RUNX2: variants seen among roughly 807,000 people sequenced by gnomAD.
The protein encoded by RUNX2 is runt-related transcription factor 2.
RUNX2 carries 10 observed loss-of-function variants against 51.7 expected under a neutral mutation model. The observed-to-expected ratio is 0.19, with a 90% CI of 0.12 to 0.33. RUNX2 has a LOEUF of 0.33. Ranked by LOEUF, RUNX2 falls within the 10% of genes least tolerant of loss-of-function variation. The pLI, the probability that RUNX2 is intolerant of heterozygous loss-of-function variation, is 1.00. For synonymous variants in RUNX2, 276 were observed against 273.6 expected, an observed-to-expected ratio of 1.01 and a Z score of -0.09; for missense variants, 562 against 691.3, an observed-to-expected ratio of 0.81 and a Z score of 2.10.
intron 2 of RUNX2, among the ~76,000 whole-genome samples, chr6:45,384,885 A>G (rs1412943559): frequency 6.6e-6 from 1 of 151,680 alleles, no homozygotes; most frequent in Non-Finnish European, 1.5e-5. Flanking sequence ...AAAAAATTTT[A>G]TGGAGATGGG....
At position 45,419,922 on chromosome 6, in the gene RUNX2, G is replaced by A. The variant is rs111741932; in HGVS notation, c.59-2671G>A. 6.9e-3 allele frequency among the ~76,000 whole-genome samples: 1,055 copies of A among 152,256 alleles called. 18 individuals are homozygous for A. The highest frequency in any genetic ancestry group is 0.024 in the African/African-American group (1,010 of 41,548). On this transcript the variant is annotated intron_variant, in intron 2 of 8. Coordinates refer to ENST00000647337, the MANE Select transcript of RUNX2 (RefSeq NM_001024630.4). ...AGTGGCAGGCGGCGGCTGTGGGGCG[G>A]GAGGGGCGCGGCTTGGGGCTAGTGT...
chr6:45,485,880 A>T (rs1800269368), intron 5 of RUNX2, among the ~76,000 whole-genome samples: 1 of 151,658 alleles, frequency 6.6e-6, no homozygotes, highest in Non-Finnish European at 1.5e-5. Context: ...CTTTCCCCTT[A>T]GTCAAAATCA....
chr6:45,431,743 T>C, intron 3 of RUNX2, 120 bp from the exon 4 acceptor site: 1 of 1,142,428 alleles, frequency 8.8e-7, no homozygotes, highest in East Asian at 2.3e-5. Flanking sequence ...TGTCGGCCAT[T>C]ACTGGACTGG....
At chr6:45,545,692 C>A (rs1802379090) in intron 8 of RUNX2, among the ~76,000 whole-genome samples, 1 of 152,142 alleles carries the variant, frequency 6.6e-6, no homozygotes, top group Admixed American at 6.6e-5. Context: ...TAGAAGGGAA[C>A]AATATCTTAA....
At chr6:45,497,525 A>G (rs977499656) in intron 6 of RUNX2, among the ~76,000 whole-genome samples, 2 of 152,078 alleles carry the variant, frequency 1.3e-5, no homozygotes, top group Non-Finnish European at 2.9e-5. Flanking sequence ...CTCTGCCTAG[A>G]CACTCTTCCT....
At chr6:45,500,234 G>A (rs1016325669) in intron 6 of RUNX2, among the ~76,000 whole-genome samples, 3 of 152,058 alleles carry the variant, frequency 2.0e-5, no homozygotes, top group Non-Finnish European at 4.4e-5. Context: ...GAGAGTTGGT[G>A]TACATTGACT....
At chr6:45,357,799 A>G (rs1793509396) in intron 2 of RUNX2, among the ~76,000 whole-genome samples, 1 of 152,202 alleles carries the variant, frequency 6.6e-6, no homozygotes, top group South Asian at 2.1e-4. Context: ...TAAAACTCAC[A>G]ATGACATTAC....
intron 2 of RUNX2, among the ~76,000 whole-genome samples, chr6:45,353,393 A>G (rs943005001): frequency 1.3e-5 from 2 of 152,090 alleles, no homozygotes; most frequent in African/African-American, 4.8e-5. Flanking sequence ...ACTAACTATT[A>G]AAACATATTA....
At chr6:45,543,584 C>T (rs192176645) in intron 7 of RUNX2, among the ~76,000 whole-genome samples, 1 of 152,136 alleles carries the variant, frequency 6.6e-6, no homozygotes, top group African/African-American at 2.4e-5. Context: ...GCTTTTAGAA[C>T]TCTAGGCCTT....
chr6:45,435,175 C>G (rs752440110), intron 4 of RUNX2, among the ~76,000 whole-genome samples: 1 of 152,062 alleles, frequency 6.6e-6, no homozygotes, highest in Non-Finnish European at 1.5e-5. Flanking sequence ...TCATTCTACT[C>G]TGAAAATTTA....
At chr6:45,350,914 G>A (rs540001110) in intron 2 of RUNX2, among the ~76,000 whole-genome samples, 7 of 152,220 alleles carry the variant, frequency 4.6e-5, no homozygotes, top group Middle Eastern at 3.4e-3. Context: ...CAGCAAGAGC[G>A]AACACTACCA....
At chr6:45,429,492 T>C (rs1248266359) in intron 3 of RUNX2, among the ~76,000 whole-genome samples, 2 of 152,200 alleles carry the variant, frequency 1.3e-5, no homozygotes, top group African/African-American at 4.8e-5. Context: ...CTGTATTCAG[T>C]AGCCGCTTGA....
chr6:45,546,903 C>A lies in RUNX2; in HGVS notation c.1164C>A (p.Ser388=), dbSNP rs778896510. 8 of 1,614,036 alleles carry A rather than the reference C, an allele frequency of 5.0e-6. No homozygotes were observed. Among genetic ancestry groups the A allele is most frequent in the Non-Finnish European group, 6.8e-6 (8 of 1,180,004 alleles). The change falls in exon 9 of 9, where the codon TCC becomes TCA. Residue 388 remains serine (S), a synonymous_variant. Coordinates refer to ENST00000647337, the MANE Select transcript of RUNX2 (RefSeq NM_001024630.4). ...SISSLTESRF[S]NPRMHYPATF... ...CATCCCTCACTGAGAGCCGCTTCTCCAACCCACGAATGCACTATCCAGCCA... is the reference window on the plus strand; with the variant it reads ...CATCCCTCACTGAGAGCCGCTTCTCAAACCCACGAATGCACTATCCAGCCA...
chr6:45,331,173 G>C (rs2150080745), intron 2 of RUNX2, among the ~76,000 whole-genome samples: 1 of 151,846 alleles, frequency 6.6e-6, no homozygotes, highest in South Asian at 2.1e-4. Context: ...CTGTGTCCTT[G>C]ATCTCTCAGC....
At position 45,328,549 on chromosome 6, in the gene RUNX2, C is replaced by T. The variant is rs912440504; in HGVS notation, c.-67+89C>T. ...CTTTTTGTTTTGTTTCTTTGCTTTT[C>T]ACATGTTACCAGCTACATAATTTCT... is the stretch of plus-strand genomic sequence containing the variant. On this transcript the variant is annotated intron_variant, in intron 1 of 8. Transcript: ENST00000647337. The T allele has an allele frequency of 7.6e-6, 12 of 1,575,888 alleles. No individual in the cohort carries two copies. The African/African-American group carries it at 1.6e-4, about 22-fold the overall frequency.
At chr6:45,394,599 T>C (rs1005933215) in intron 2 of RUNX2, among the ~76,000 whole-genome samples, 1 of 152,184 alleles carries the variant, frequency 6.6e-6, no homozygotes, top group Non-Finnish European at 1.5e-5. Context: ...AGTCTTTTAG[T>C]GAGCCTGGCT....
chr6:45,512,081 T>C (rs1224674322), intron 6 of RUNX2, among the ~76,000 whole-genome samples, 165 bp from the exon 7 acceptor site: 2 of 152,150 alleles, frequency 1.3e-5, no homozygotes, highest in South Asian at 4.1e-4. Flanking sequence ...CCTGAAAGGA[T>C]GGGGTTATAA....
intron 7 of RUNX2, among the ~76,000 whole-genome samples, chr6:45,524,397 A>G (rs1007186930): frequency 6.6e-6 from 1 of 152,338 alleles, no homozygotes; most frequent in South Asian, 2.1e-4. Flanking sequence ...ACCCATAACT[A>G]TGCAGCGAAG....
At chr6:45,332,587 G>A (rs1364614604) in intron 2 of RUNX2, among the ~76,000 whole-genome samples, 1 of 151,716 alleles carries the variant, frequency 6.6e-6, no homozygotes, top group Non-Finnish European at 1.5e-5. Flanking sequence ...CAATAGTGAA[G>A]TCATGCAAAA....
Sources: allele counts gnomAD v4.1 joint callset (sites outside exome capture counted in the v4.1 genomes callset), GRCh38; gene constraint gnomAD v4.1.1; transcripts MANE v1.5; gene names NCBI Gene and HGNC (gene_info 2026-07-23, HGNC 2026-07-21).